The following PACRG variants were observed in gnomAD, a reference collection of about 807,000 sequenced individuals.
PACRG encodes parkin coregulated.
In PACRG, 29 loss-of-function variants were observed where a neutral mutation model predicts 29.7. The observed-to-expected ratio is 0.98, with a 90% CI of 0.73 to 1.33. The LOEUF is 1.33. PACRG is among the 40% of genes most tolerant of loss of function. The probability of loss-of-function intolerance (pLI) is 0.00; values close to 1 mark genes in which losing one functional copy is unlikely to be tolerated. For missense variants in PACRG, 279 were observed against 316.2 expected, an observed-to-expected ratio of 0.88 and a Z score of 0.89; for synonymous variants, 116 against 118.7, an observed-to-expected ratio of 0.98 and a Z score of 0.15.
chr6:163,311,174 A>T (rs1485530896), intron 4 of PACRG, among the ~76,000 whole-genome samples: 1 of 152,226 alleles, frequency 6.6e-6, no homozygotes, highest in African/African-American at 2.4e-5. Flanking sequence ...TCCTGCATGG[A>T]GGGATCTCCA....
intron 2 of PACRG, among the ~76,000 whole-genome samples, chr6:162,848,753 A>G (rs1300779918): frequency 6.6e-6 from 1 of 152,256 alleles, no homozygotes; most frequent in Non-Finnish European, 1.5e-5. Context: ...TTGGATAATA[A>G]TCACTTACTG....
chr6:162,966,873 A>G (rs890809375), intron 2 of PACRG, among the ~76,000 whole-genome samples: 6 of 152,236 alleles, frequency 3.9e-5, no homozygotes, highest in African/African-American at 1.4e-4. Flanking sequence ...TAAATGACAA[A>G]TGGTACTTTA....
At chr6:163,295,409 A>C (rs74375717) in intron 4 of PACRG, among the ~76,000 whole-genome samples, 2,290 of 152,318 alleles carry the variant, frequency 0.015, 48 homozygotes, top group African/African-American at 0.051. Flanking sequence ...GCAAGGAAGC[A>C]GACTGTAAGG....
At chr6:162,829,586 A>C (rs1201158080) in intron 2 of PACRG, among the ~76,000 whole-genome samples, 1 of 152,208 alleles carries the variant, frequency 6.6e-6, no homozygotes, top group Non-Finnish European at 1.5e-5. Flanking sequence ...GGTTTTGGTG[A>C]ACGATGAACT....
chr6:162,882,284 C>T (rs1412749969), intron 2 of PACRG, among the ~76,000 whole-genome samples: 2 of 150,264 alleles, frequency 1.3e-5, no homozygotes, highest in Non-Finnish European at 3.0e-5. Flanking sequence ...GGTTGGAGAC[C>T]CTGGGGTGCT....
chr6:162,791,105 G>A lies in PACRG; in HGVS notation c.157-23042G>A, dbSNP rs887421826. Among the ~76,000 whole-genome samples the A allele has an allele frequency of 3.3e-5, 5 of 152,174 alleles. 1 individual carries two copies. Among genetic ancestry groups the A allele is most frequent in the Non-Finnish European group, 7.3e-5 (5 of 68,032 alleles). On this transcript the variant is annotated intron_variant, in intron 1 of 4. Transcript: ENST00000366888. ...AATTAGGATGTTGCTTTCAATTTAT[G>A]TATGTGATGCTTATAGTTTCACACA...
chr6:162,846,055 G>T (rs1790348480), intron 2 of PACRG, among the ~76,000 whole-genome samples: 1 of 152,114 alleles, frequency 6.6e-6, no homozygotes, highest in African/African-American at 2.4e-5. Context: ...CCTAGGTGCG[G>T]GTCTGACCCC....
intron 2 of PACRG, among the ~76,000 whole-genome samples, chr6:163,043,838 C>T (rs1416693341): frequency 1.3e-5 from 2 of 152,062 alleles, no homozygotes; most frequent in Admixed American, 6.5e-5. Context: ...GATTATAGGC[C>T]GTAAGTTCTG....
intron 4 of PACRG, among the ~76,000 whole-genome samples, chr6:163,239,965 C>T (rs1197281950): frequency 6.7e-6 from 1 of 149,742 alleles, no homozygotes; most frequent in African/African-American, 2.5e-5. Flanking sequence ...CACTCACACT[C>T]CCATCGTCAC....
intron 2 of PACRG, among the ~76,000 whole-genome samples, chr6:162,996,300 A>C (rs1293978307): frequency 6.6e-6 from 1 of 152,190 alleles, no homozygotes. Context: ...ATGATATCTT[A>C]AAGCTGTTAT....
chr6:163,254,391 G>A lies in PACRG; in HGVS notation c.614-60436G>A, dbSNP rs74731247. On this transcript the variant is annotated intron_variant, in intron 4 of 4. Transcript: ENST00000366888. ...GAAGAGGCACAACAATAAAAAACAT[G>A]AGGCCCCATTGAAGTAGGACTTTAA... 4.8e-3 allele frequency among the ~76,000 whole-genome samples: 738 copies of A among 152,270 alleles called. 5 individuals are homozygous for A. Among genetic ancestry groups the A allele is most frequent in the African/African-American group, 0.017 (713 of 41,558 alleles).
intron 3 of PACRG, among the ~76,000 whole-genome samples, chr6:163,074,161 G>A (rs1427610349): frequency 6.6e-6 from 1 of 152,132 alleles, no homozygotes; most frequent in East Asian, 1.9e-4. Context: ...CCAAGATTTG[G>A]AAGCAACCTA....
intron 4 of PACRG, among the ~76,000 whole-genome samples, chr6:163,193,890 C>CTTTTTTTTTTT (rs746859009): frequency 9.0e-6 from 1 of 111,470 alleles, no homozygotes; most frequent in African/African-American, 3.0e-5. Flanking sequence ...CTTTTTGTTT[C>CTTTTTTTTTTT]TTTTTTTTTT....
Position 163,095,490 on chromosome 6 carries a change from A to C in PACRG, c.613+6082A>C, listed in dbSNP as rs527409403. On this transcript the variant is annotated intron_variant, in intron 4 of 4. Coordinates refer to ENST00000366888, the MANE Select transcript of PACRG (RefSeq NM_001080379.2). Reference sequence around the variant, plus strand: ...TTACCATACACAGAATGGCTTAAACAACAGAAATGTATCGTCTCCCAGTTC... The same window carrying C: ...TTACCATACACAGAATGGCTTAAACCACAGAAATGTATCGTCTCCCAGTTC... The C allele has an allele frequency of 6.5e-6, 6 of 920,516 alleles. No individual in the cohort carries two copies. In the South Asian group the frequency reaches 3.0e-4, roughly 46 times the overall value. 57.0% of individuals were successfully genotyped at this position (920,516 alleles called of 1,614,324 possible).
intron 2 of PACRG, among the ~76,000 whole-genome samples, chr6:162,898,981 T>C (rs973084642): frequency 1.3e-5 from 2 of 152,216 alleles, no homozygotes; most frequent in Admixed American, 6.5e-5. Flanking sequence ...TGAACACTTA[T>C]AAACCAAAGA....
chr6:163,224,965 C>A (rs1184406304), intron 4 of PACRG, among the ~76,000 whole-genome samples: 1 of 152,000 alleles, frequency 6.6e-6, no homozygotes, highest in African/African-American at 2.4e-5. Context: ...AGTTAATATA[C>A]AAAATATATA....
At chr6:163,006,457 A>C (rs1046611830) in intron 2 of PACRG, among the ~76,000 whole-genome samples, 4 of 151,716 alleles carry the variant, frequency 2.6e-5, no homozygotes, top group African/African-American at 9.7e-5. Flanking sequence ...CATTTAGATC[A>C]ATTGATAGAT....
chr6:162,775,348 A>C (rs1783559869), intron 1 of PACRG, among the ~76,000 whole-genome samples: 1 of 152,176 alleles, frequency 6.6e-6, no homozygotes, highest in African/African-American at 2.4e-5. Context: ...TCTACATTTG[A>C]CCTCTGTGCT....
chr6:163,195,963 G>A (rs1342140511), intron 4 of PACRG, among the ~76,000 whole-genome samples: 3 of 152,120 alleles, frequency 2.0e-5, no homozygotes, highest in African/African-American at 7.2e-5. Flanking sequence ...GCAGGGCGCA[G>A]CTCCCTCTTG....
Sources: allele counts gnomAD v4.1 joint callset (sites outside exome capture counted in the v4.1 genomes callset), GRCh38; gene constraint gnomAD v4.1.1; transcripts MANE v1.5; gene names NCBI Gene and HGNC (gene_info 2026-07-23, HGNC 2026-07-21).